MYOF: variants seen among roughly 807,000 people sequenced by gnomAD.
The protein encoded by MYOF is fer-1-like 3, myoferlin.
In MYOF, 244 loss-of-function variants were observed where a neutral mutation model predicts 284.2. That is an observed-to-expected ratio of 0.86 (90% CI 0.77 to 0.95). The LOEUF is 0.95. Among genes scored for constraint, MYOF ranks in the 40% least tolerant of loss-of-function variants. The pLI is 0.00. For synonymous variants in MYOF, 904 were observed against 919.7 expected, an observed-to-expected ratio of 0.98 and a Z score of 0.31; for missense variants, 2,496 against 2,560.6, an observed-to-expected ratio of 0.97 and a Z score of 0.54.
intron 5 of MYOF, among the ~76,000 whole-genome samples, chr10:93,423,525 G>GAAA (rs59012520): frequency 5.4e-4 from 8 of 14,874 alleles, no homozygotes; most frequent in African/African-American, 1.9e-3. Flanking sequence ...GACTCCATCT[G>GAAA]AAAAAAAAAA....
Position 93,340,531 on chromosome 10 carries a change from C to T in MYOF, c.4327-367G>A, listed in dbSNP as rs1190216744. On this transcript the variant is annotated intron_variant, in intron 38 of 53. Transcript: ENST00000359263. The stretch of plus-strand genomic sequence containing the variant: ...GAGCAGGGTGTGGAGCTGCTCATCC[C>T]CCTACCCCAGATCTTACGTTCGTTT... 2.0e-5 allele frequency among the ~76,000 whole-genome samples: 3 copies of T among 152,132 alleles called. No individual in the cohort carries two copies. In the East Asian group the frequency reaches 5.8e-4, roughly 29 times the overall value.
At chr10:93,439,361 T>C (rs2056174682) in intron 3 of MYOF, among the ~76,000 whole-genome samples, 1 of 152,234 alleles carries the variant, frequency 6.6e-6, no homozygotes, top group Non-Finnish European at 1.5e-5. Context: ...TGCTATTTTG[T>C]TATTTTCACC....
chr10:93,409,598 A>G lies in MYOF; in HGVS notation c.575T>C (p.Leu192Pro), dbSNP rs755173669. 1.1e-4 allele frequency: 171 copies of G among 1,613,960 alleles called. No individual in the cohort carries two copies. Among genetic ancestry groups the G allele is most frequent in the Non-Finnish European group, 3.6e-5 (42 of 1,180,010 alleles). The change falls in exon 6 of 54, where the codon CTG becomes CCG. Residue 192 changes from leucine to proline, a missense_variant. This residue lies in a region of MYOF where 2,436 missense variants were observed against 2,480.7 expected (regional missense o/e 0.98). Transcript: ENST00000359263. Reference protein sequence around the residue: ...LTKVKNSRRMLSNKPQDFQIR... With the variant: ...LTKVKNSRRMPSNKPQDFQIR... ...CTGGAAGTCCTGTGGCTTATTTGAC[A>G]GCATCCGCCGGCTGTTCTTTACTTT...
chr10:93,322,227 G>A (rs1842871560), intron 48 of MYOF, among the ~76,000 whole-genome samples: 1 of 152,158 alleles, frequency 6.6e-6, no homozygotes, highest in Admixed American at 6.5e-5. Flanking sequence ...CTCACTTTAT[G>A]AATATATTAA....
chr10:93,399,600 G>A (rs1242117201), intron 12 of MYOF, 105 bp from the exon 13 acceptor site: 12 of 730,538 alleles, frequency 1.6e-5, no homozygotes, highest in Middle Eastern at 3.9e-4. Flanking sequence ...CAGGCTAGGC[G>A]CAGTGGCTCA....
intron 1 of MYOF, among the ~76,000 whole-genome samples, chr10:93,464,728 C>T (rs1390199687): frequency 3.3e-5 from 5 of 152,082 alleles, no homozygotes; most frequent in East Asian, 1.9e-4. Flanking sequence ...AAGTCCTGAA[C>T]GGTTAGATTG....
At chr10:93,382,430 A>G (rs1846168395) in intron 19 of MYOF, among the ~76,000 whole-genome samples, 1 of 152,238 alleles carries the variant, frequency 6.6e-6, no homozygotes, top group Non-Finnish European at 1.5e-5. Flanking sequence ...AAATAACAAT[A>G]AAGATTTTCA....
intron 16 of MYOF, among the ~76,000 whole-genome samples, chr10:93,394,152 A>C (rs1455197695): frequency 6.6e-6 from 1 of 152,132 alleles, no homozygotes; most frequent in African/African-American, 2.4e-5. Context: ...TCCAGGCTGG[A>C]GTGTAATGGT....
chr10:93,441,609 G>A (rs1216278346), intron 3 of MYOF, among the ~76,000 whole-genome samples: 1 of 149,372 alleles, frequency 6.7e-6, no homozygotes, highest in Non-Finnish European at 1.5e-5. Flanking sequence ...TGTCACCCAG[G>A]CCGGAGTGCA....
chr10:93,475,721 C>T (rs1393287199), intron 1 of MYOF, among the ~76,000 whole-genome samples: 1 of 152,166 alleles, frequency 6.6e-6, no homozygotes, highest in Non-Finnish European at 1.5e-5. Flanking sequence ...GGGCCAAATC[C>T]TACAGTAAAG....
At position 93,337,949 on chromosome 10, in the gene MYOF, T is replaced by A. The variant is rs767205341; in HGVS notation, c.4339-36A>T. The A allele has an allele frequency of 4.1e-6, 6 of 1,470,536 alleles. No individual in the cohort carries two copies. In the East Asian group the frequency reaches 1.4e-4, roughly 33 times the overall value. 91.1% of individuals were successfully genotyped at this position (1,470,536 alleles called of 1,614,324 possible). A position where few individuals can be genotyped will look rare whatever the true frequency, so the allele number is the denominator to read the frequency against. On this transcript the variant is annotated intron_variant, in intron 39 of 53. Transcript: ENST00000359263. Reference sequence around the variant, plus strand: ...GCCAAAATGGAAAAATCTTTAGTGATGTCCTGGATTTCCAATCGATGCAGG... The same window carrying A: ...GCCAAAATGGAAAAATCTTTAGTGAAGTCCTGGATTTCCAATCGATGCAGG...
chr10:93,384,966 G>C (rs907570851), intron 19 of MYOF, among the ~76,000 whole-genome samples: 3 of 152,198 alleles, frequency 2.0e-5, no homozygotes, highest in Non-Finnish European at 4.4e-5. Context: ...ATACCTGATG[G>C]AGCAGCTGGA....
At chr10:93,316,340 G>C (rs964638538) in intron 50 of MYOF, among the ~76,000 whole-genome samples, 4 of 151,852 alleles carry the variant, frequency 2.6e-5, no homozygotes, top group African/African-American at 9.7e-5. Context: ...AATGGCGGGG[G>C]GGTTGGGGAC....
intron 3 of MYOF, among the ~76,000 whole-genome samples, chr10:93,440,903 CTACT>C (rs2134257377): frequency 6.6e-6 from 1 of 152,306 alleles, no homozygotes; most frequent in South Asian, 2.1e-4. Flanking sequence ...ATTGCAGCAG[CTACT>C]TAATCTGCCT....
intron 26 of MYOF, 87 bp downstream of exon 26, chr10:93,366,305 A>G (rs1845323016): frequency 7.2e-7 from 1 of 1,390,644 alleles, no homozygotes; most frequent in South Asian, 1.2e-5. Context: ...ACTATTATCA[A>G]GATGATGACG....
rs2057395475 is a variant in MYOF, at chr10:93,482,228, ACGAAGTGG to A, written c.-42_-35del. ...GCTGGTAGAAAGCAAGTTTCAGCAAACGAAGTGGAGACTAGGGCGCTGGAGCTCCGGGT... is the reference window on the plus strand; with the variant it reads ...GCTGGTAGAAAGCAAGTTTCAGCAAAAGACTAGGGCGCTGGAGCTCCGGGT... On this transcript the variant is annotated 5_prime_UTR_variant, in exon 1 of 54. Coordinates refer to ENST00000359263, the MANE Select transcript of MYOF (RefSeq NM_013451.4). 1 of 1,590,616 alleles carries A rather than the reference ACGAAGTGG, an allele frequency of 6.3e-7. No individual in the cohort carries two copies. Among genetic ancestry groups the A allele is most frequent in the Non-Finnish European group, 8.6e-7 (1 of 1,162,644 alleles).
In MYOF at chr10:93,329,667, C is replaced by G. The variant is rs751089270; in HGVS notation, c.4979G>C (p.Cys1660Ser). The G allele has an allele frequency of 1.2e-6, 2 of 1,613,764 alleles. No homozygotes were observed. Among genetic ancestry groups the G allele is most frequent in the East Asian group, 4.5e-5 (2 of 44,896 alleles). ...GSHCGIPEEY[C>S]VSGVNTWRDQ... ...TTGTACAGTCAAAGCAACTTACACA[C>G]AGTACTCCTCTGGTATGCCGCAGTG... The change falls in exon 44 of 54, where the codon TGT becomes TCT. Residue 1660 changes from cysteine (C) to serine (S), a missense_variant. Cys to Ser is a moderately radical substitution (Grantham distance 112). Around this residue, in one of 3 missense-constraint regions of MYOF, gnomAD observed 2,436 missense variants for 2,480.7 expected, o/e 0.98. Coordinates refer to ENST00000359263, the MANE Select transcript of MYOF (RefSeq NM_013451.4).
intron 7 of MYOF, among the ~76,000 whole-genome samples, chr10:93,408,317 T>C (rs571942347): frequency 6.6e-6 from 1 of 152,010 alleles, no homozygotes; most frequent in South Asian, 2.1e-4. Context: ...TGTTGGCGGG[T>C]GGATCACTTG....
At chr10:93,349,554 A>C (rs1308683837) in intron 36 of MYOF, among the ~76,000 whole-genome samples, 1 of 152,232 alleles carries the variant, frequency 6.6e-6, no homozygotes, top group African/African-American at 2.4e-5. Flanking sequence ...GAATAGATGG[A>C]AAGTTTACTG....
Sources: gnomAD v4.1 joint callset for allele counts (sites outside exome capture counted in the v4.1 genomes callset) on GRCh38, gnomAD v4.1.1 for gene constraint, gnomAD v4.1.1 regional missense constraint, MANE v1.5 for transcripts, NCBI Gene and HGNC (gene_info 2026-07-23, HGNC 2026-07-21) for gene names.